Variants in TMEM135 observed in about 807,000 individuals in gnomAD.
TMEM135 encodes the protein peroxisomal membrane protein 52.
In TMEM135, 30 loss-of-function variants were observed where a neutral mutation model predicts 60.3. The ratio of observed to expected loss-of-function variants is 0.50; its 90% confidence interval spans 0.37 to 0.68. The LOEUF is 0.68. Among genes scored for constraint, TMEM135 ranks in the 30% least tolerant of loss-of-function variants. The pLI, the probability that TMEM135 is intolerant of heterozygous loss-of-function variation, is 0.00. For missense variants in TMEM135, 468 were observed against 548.8 expected (o/e 0.85, Z 1.47); for synonymous variants, 190 against 186.7 (o/e 1.02, Z -0.14).
intron 10 of TMEM135, among the ~76,000 whole-genome samples, chr11:87,310,873 TTG>T (rs1228152074): frequency 6.6e-6 from 1 of 151,988 alleles, no homozygotes; most frequent in Non-Finnish European, 1.5e-5. Context: ...AGCACAGGGA[TTG>T]TGTCTCATTT....
At chr11:87,124,909 C>G (rs1352021919) in intron 4 of TMEM135, among the ~76,000 whole-genome samples, 1 of 152,040 alleles carries the variant, frequency 6.6e-6, no homozygotes, top group Non-Finnish European at 1.5e-5. Context: ...TCTTTTAATG[C>G]TTGAAACAGA....
intron 3 of TMEM135, among the ~76,000 whole-genome samples, chr11:87,077,662 A>G (rs1258359389): frequency 2.6e-5 from 4 of 152,230 alleles, no homozygotes; most frequent in Admixed American, 2.0e-4. Context: ...TGTTTTTAAT[A>G]TATTCACAAA....
Position 87,311,091 on chromosome 11 carries a change from G to A in TMEM135, c.936+1419G>A, listed in dbSNP as rs144561216. 1.8e-3 allele frequency among the ~76,000 whole-genome samples: 201 copies of A among 112,570 alleles called. 2 individuals are homozygous for A. Among genetic ancestry groups the A allele is most frequent in the African/African-American group, 6.1e-3 (182 of 29,940 alleles). 73.9% of individuals were successfully genotyped at this position (112,570 alleles called of 152,430 possible). Reference sequence around the variant, plus strand: ...ATTGAAAGAAGAATATATATTCTGTGGGTATATATATATGTCTATATATAT... The same window carrying A: ...ATTGAAAGAAGAATATATATTCTGTAGGTATATATATATGTCTATATATAT... On this transcript the variant is annotated intron_variant, in intron 10 of 14. Transcript: ENST00000305494.
chr11:87,250,128 C>G (rs984703734), intron 6 of TMEM135, among the ~76,000 whole-genome samples: 5 of 152,108 alleles, frequency 3.3e-5, no homozygotes, highest in Non-Finnish European at 7.4e-5. Context: ...ATTTGCATTT[C>G]TGCTGTAATT....
chr11:87,318,548 T>TA (rs202117723), intron 13 of TMEM135, among the ~76,000 whole-genome samples: 10 of 146,824 alleles, frequency 6.8e-5, no homozygotes, highest in Admixed American at 3.4e-4. Context: ...TCCCTTTGAT[T>TA]AAAAAAAAAA....
intron 6 of TMEM135, chr11:87,277,396 G>A: frequency 3.7e-6 from 1 of 267,236 alleles, no homozygotes; most frequent in Non-Finnish European, 7.7e-6. Flanking sequence ...CTCCCAAAGT[G>A]CTGAGATTAC....
intron 5 of TMEM135, among the ~76,000 whole-genome samples, chr11:87,220,671 G>A (rs1299276961): frequency 1.3e-5 from 2 of 152,014 alleles, no homozygotes; most frequent in Non-Finnish European, 2.9e-5. Context: ...TACATGTTTT[G>A]GTGTGTAGAA....
chr11:87,220,469 T>G (rs1315768824), intron 5 of TMEM135, among the ~76,000 whole-genome samples: 2 of 152,190 alleles, frequency 1.3e-5, no homozygotes, highest in Non-Finnish European at 2.9e-5. Context: ...ACTTTCAAAG[T>G]GCTTTGGATA....
intron 6 of TMEM135, among the ~76,000 whole-genome samples, chr11:87,241,087 G>T (rs927565543): frequency 1.3e-5 from 2 of 151,988 alleles, no homozygotes; most frequent in Non-Finnish European, 2.9e-5. Flanking sequence ...CTCTGTGAAG[G>T]CATAAATAAA....
At chr11:87,105,607 A>G (rs1000693895) in intron 4 of TMEM135, among the ~76,000 whole-genome samples, 1 of 152,198 alleles carries the variant, frequency 6.6e-6, no homozygotes, top group African/African-American at 2.4e-5. Flanking sequence ...TTTTTAAAAA[A>G]CAAGTAAAAA....
At chr11:87,178,748 T>G (rs1476171456) in intron 5 of TMEM135, among the ~76,000 whole-genome samples, 6 of 152,158 alleles carry the variant, frequency 3.9e-5, no homozygotes, top group Non-Finnish European at 8.8e-5. Flanking sequence ...TTGAGGTTCA[T>G]TCATATCAGT....
At chr11:87,129,213 A>ATTTTTTTTTTTTTTTTTTTTTTTTTTTTT (rs71040295) in intron 4 of TMEM135, among the ~76,000 whole-genome samples, 2 of 116,166 alleles carry the variant, frequency 1.7e-5, no homozygotes, top group Non-Finnish European at 1.9e-5. Context: ...TTATTCCTTA[A>ATTTTTTTTTTTTTTTTTTTTTTTTTTTTT]TTTTTTTTTT....
At chr11:87,140,855 G>A (rs957445904) in intron 4 of TMEM135, among the ~76,000 whole-genome samples, 5 of 152,096 alleles carry the variant, frequency 3.3e-5, no homozygotes, top group Admixed American at 2.6e-4. Flanking sequence ...TGGAAATTCC[G>A]TTGTTTCACC....
intron 1 of TMEM135, among the ~76,000 whole-genome samples, chr11:87,039,132 G>A (rs949039136): frequency 3.3e-5 from 5 of 152,162 alleles, no homozygotes; most frequent in African/African-American, 9.7e-5. Context: ...TCTCATTGAA[G>A]TAATTTAGAT....
At chr11:87,291,686 G>A (rs1296111289) in intron 6 of TMEM135, among the ~76,000 whole-genome samples, 1 of 151,760 alleles carries the variant, frequency 6.6e-6, no homozygotes, top group Non-Finnish European at 1.5e-5. Context: ...GGGATTACAG[G>A]CATCTGTCAC....
chr11:87,099,203 C>T (rs1591018100), intron 4 of TMEM135, among the ~76,000 whole-genome samples: 1 of 151,998 alleles, frequency 6.6e-6, no homozygotes, highest in Non-Finnish European at 1.5e-5. Flanking sequence ...TATAAGTAAA[C>T]TTACTAAAAC....
At chr11:87,242,093 C>T (rs1402654012) in intron 6 of TMEM135, among the ~76,000 whole-genome samples, 2 of 149,932 alleles carry the variant, frequency 1.3e-5, no homozygotes, top group East Asian at 4.0e-4. Flanking sequence ...TGAGTGAGAA[C>T]ATGCGGTGTT....
At chr11:87,085,537 G>A (rs893126530) in intron 3 of TMEM135, among the ~76,000 whole-genome samples, 1 of 152,078 alleles carries the variant, frequency 6.6e-6, no homozygotes, top group African/African-American at 2.4e-5. Context: ...AGGGCAGATT[G>A]CTTGAGCTCA....
At chr11:87,061,277 A>C (rs1020468663) in intron 1 of TMEM135, among the ~76,000 whole-genome samples, 3 of 152,192 alleles carry the variant, frequency 2.0e-5, no homozygotes, top group African/African-American at 7.2e-5. Flanking sequence ...GGAGACATTT[A>C]ACAATGTAGG....
Sources: gnomAD v4.1 joint callset for allele counts (sites outside exome capture counted in the v4.1 genomes callset) on GRCh38, gnomAD v4.1.1 for gene constraint, MANE v1.5 for transcripts, NCBI Gene and HGNC (gene_info 2026-07-23, HGNC 2026-07-21) for gene names.